PNOC: variants seen among roughly 807,000 people sequenced by gnomAD.
PNOC encodes prepronociceptin, also known as nociceptin.
Under a neutral mutation model 15.6 loss-of-function variants are expected in PNOC, and 10 were observed. The observed-to-expected ratio is 0.64, with a 90% CI of 0.40 to 1.09. The LOEUF is 1.09. PNOC is among the 50% of genes least tolerant of loss of function. The probability of loss-of-function intolerance (pLI) is 0.01; values close to 1 mark genes in which losing one functional copy is unlikely to be tolerated. For synonymous variants in PNOC, 98 were observed against 88.5 expected, an observed-to-expected ratio of 1.11 and a Z score of -0.60; for missense variants, 220 against 223.9, an observed-to-expected ratio of 0.98 and a Z score of 0.11.
Position 28,339,383 on chromosome 8 carries a change from T to G in PNOC, c.470T>G (p.Leu157Trp). The change falls in exon 3 of 4, where the codon TTG (leucine) becomes TGG (tryptophan). Residue 157 changes from leucine to tryptophan, a missense_variant. Coordinates refer to ENST00000301908, the MANE Select transcript of PNOC (RefSeq NM_006228.5). ...TTCAGTGAGTTTATGAGGCAATACT[T>G]GGTCCTGAGCATGCAGTCCAGCCAG... ...KRFSEFMRQYLVLSMQSSQRR... is the reference protein window; with the variant it reads ...KRFSEFMRQYWVLSMQSSQRR... 7 of 1,587,158 alleles carry G rather than the reference T, an allele frequency of 4.4e-6. No individual in the cohort carries two copies. Among genetic ancestry groups the G allele is most frequent in the Non-Finnish European group, 6.0e-6 (7 of 1,163,056 alleles).
intron 2 of PNOC, among the ~76,000 whole-genome samples, chr8:28,337,938 T>C (rs892336405): frequency 1.3e-5 from 2 of 152,138 alleles, no homozygotes; most frequent in African/African-American, 4.8e-5. Flanking sequence ...CCAAGGAAGC[T>C]TGGGAAACAT....
At chr8:28,336,410 A>G (rs1252481565) in intron 2 of PNOC, among the ~76,000 whole-genome samples, 1 of 152,216 alleles carries the variant, frequency 6.6e-6, no homozygotes, top group Non-Finnish European at 1.5e-5. Flanking sequence ...AGAGAGGGGC[A>G]GCACTGGAGC....
chr8:28,320,588 T>C (rs1044487427), intron 1 of PNOC, among the ~76,000 whole-genome samples: 31 of 152,268 alleles, frequency 2.0e-4, no homozygotes, highest in Non-Finnish European at 2.6e-4. Flanking sequence ...CAGTGGCTCA[T>C]GCCTGTAATC....
chr8:28,320,945 C>A (rs1363962522), intron 1 of PNOC, among the ~76,000 whole-genome samples: 1 of 151,818 alleles, frequency 6.6e-6, no homozygotes, highest in East Asian at 1.9e-4. Context: ...GAAAAGAACA[C>A]CGAATGATTT....
At chr8:28,341,576 G>T (rs1163262182) in intron 3 of PNOC, among the ~76,000 whole-genome samples, 1 of 152,150 alleles carries the variant, frequency 6.6e-6, no homozygotes, top group South Asian at 2.1e-4. Context: ...CCATTAACAG[G>T]AATCCATTTA....
At chr8:28,336,029 C>T (rs114915839) in intron 2 of PNOC, among the ~76,000 whole-genome samples, 179 of 152,232 alleles carry the variant, frequency 1.2e-3, no homozygotes, top group African/African-American at 4.1e-3. Flanking sequence ...TGCAACAGTG[C>T]GCATGCTAAG....
intron 1 of PNOC, among the ~76,000 whole-genome samples, chr8:28,326,226 A>G (rs1801223258): frequency 6.6e-6 from 1 of 151,758 alleles, no homozygotes; most frequent in Admixed American, 6.6e-5. Context: ...CTGGGCTCAA[A>G]CAATCCTCCC....
intron 3 of PNOC, among the ~76,000 whole-genome samples, chr8:28,341,170 G>A (rs1316972246): frequency 6.6e-6 from 1 of 152,226 alleles, no homozygotes; most frequent in Non-Finnish European, 1.5e-5. Context: ...ATATGCTAAT[G>A]TTTGGTGCCC....
chr8:28,331,607 T>C (rs1203314015), intron 2 of PNOC, among the ~76,000 whole-genome samples: 1 of 152,194 alleles, frequency 6.6e-6, no homozygotes, highest in East Asian at 1.9e-4. Flanking sequence ...TCACTTTCCA[T>C]AGTTCCCAGA....
chr8:28,320,504 C>A (rs1188982783), intron 1 of PNOC, among the ~76,000 whole-genome samples: 2 of 152,036 alleles, frequency 1.3e-5, no homozygotes, highest in African/African-American at 4.8e-5. Context: ...ATGTATGTAA[C>A]TTATAAATAA....
At chr8:28,340,763 G>A (rs978419495) in intron 3 of PNOC, among the ~76,000 whole-genome samples, 9 of 152,198 alleles carry the variant, frequency 5.9e-5, no homozygotes, top group South Asian at 2.1e-4. Flanking sequence ...GGGAGCTGGC[G>A]TGCCACATGG....
chr8:28,324,419 A>G (rs1801191797), intron 1 of PNOC, among the ~76,000 whole-genome samples: 1 of 152,120 alleles, frequency 6.6e-6, no homozygotes, highest in South Asian at 2.1e-4. Context: ...ACAACCTCAT[A>G]TTAGGAAGGA....
chr8:28,341,257 G>A (rs1801514599), intron 3 of PNOC, among the ~76,000 whole-genome samples: 2 of 152,188 alleles, frequency 1.3e-5, no homozygotes, highest in South Asian at 4.1e-4. Context: ...ATATGGACAC[G>A]TGTATTAAGT....
chr8:28,341,592 TA>T (rs1266956231), intron 3 of PNOC, among the ~76,000 whole-genome samples: 1 of 152,202 alleles, frequency 6.6e-6, no homozygotes, highest in African/African-American at 2.4e-5. Context: ...ATTTATTTTT[TA>T]AAAAATGATT....
chr8:28,317,032 A>T (rs932106948), upstream of PNOC: 6 of 152,304 alleles, frequency 3.9e-5, no homozygotes, highest in East Asian at 3.9e-4. Context: ...CAGCTGTGGG[A>T]TCCTGGCTGA....
At chr8:28,333,075 T>C (rs1801354531) in intron 2 of PNOC, among the ~76,000 whole-genome samples, 1 of 152,232 alleles carries the variant, frequency 6.6e-6, no homozygotes, top group Non-Finnish European at 1.5e-5. Flanking sequence ...TATATGTTTG[T>C]CTTCTATGCT....
intron 1 of PNOC, among the ~76,000 whole-genome samples, chr8:28,318,674 T>C (rs1264238942): frequency 2.0e-5 from 3 of 152,224 alleles, no homozygotes; most frequent in Admixed American, 6.5e-5. Flanking sequence ...TTGCTGAGTC[T>C]TCTGCAGAGG....
chr8:28,330,397 T>TTTA (rs1801306647), intron 2 of PNOC, among the ~76,000 whole-genome samples: 1 of 80,794 alleles, frequency 1.2e-5, no homozygotes, highest in African/African-American at 4.1e-5. Flanking sequence ...TTTTATTTTA[T>TTTA]TTTTTTTTTT....
chr8:28,320,712 G>GT (rs1801136505), intron 1 of PNOC, among the ~76,000 whole-genome samples: 1 of 151,898 alleles, frequency 6.6e-6, no homozygotes, highest in Non-Finnish European at 1.5e-5. Context: ...TTCTCTGGGC[G>GT]TGGCGGTGGG....
Sources: allele counts gnomAD v4.1 joint callset (sites outside exome capture counted in the v4.1 genomes callset), GRCh38; gene constraint gnomAD v4.1.1; transcripts MANE v1.5; gene names NCBI Gene and HGNC (gene_info 2026-07-23, HGNC 2026-07-21).